MRE11: variants seen among roughly 807,000 people sequenced by gnomAD.
MRE11 encodes MRE11 double strand break repair nuclease.
A neutral mutation model predicts 91.7 loss-of-function variants in MRE11; 62 were observed. That is an observed-to-expected ratio of 0.68 (90% CI 0.55 to 0.84). MRE11 has a LOEUF of 0.84. MRE11 is among the 40% of genes least tolerant of loss of function. The pLI is 0.00. For missense variants in MRE11, 796 were observed against 852.9 expected (o/e 0.93, Z 0.83); for synonymous variants, 273 against 271.4 (o/e 1.01, Z -0.06).
chr11:94,496,008 T>C (rs1488805772), upstream of MRE11, among the ~76,000 whole-genome samples: 4 of 152,204 alleles, frequency 2.6e-5, no homozygotes, highest in Admixed American at 6.5e-5. Context: ...CTAAGAACTA[T>C]AGTTGCCTAT....
intron 3 of MRE11, among the ~76,000 whole-genome samples, chr11:94,488,425 C>T (rs1000442964): frequency 9.2e-5 from 14 of 152,134 alleles, no homozygotes; most frequent in African/African-American, 3.4e-4. Flanking sequence ...AATGGAACTA[C>T]CATTTGACCC....
chr11:94,445,147 G>C (rs375278702), intron 16 of MRE11, among the ~76,000 whole-genome samples: 1 of 152,140 alleles, frequency 6.6e-6, no homozygotes, highest in East Asian at 1.9e-4. Flanking sequence ...GAGACTGACA[G>C]GGCAGTATGG....
chr11:94,509,567 G>A, the MRE11 span, among the ~76,000 whole-genome samples: 4 of 151,644 alleles, frequency 2.6e-5, no homozygotes, highest in South Asian at 2.1e-4. Context: ...CTCAGCCTCC[G>A]GAGTAGCTGG....
chr11:94,499,602 A>G, the MRE11 span: 2 of 152,230 alleles, frequency 1.3e-5, no homozygotes, highest in African/African-American at 2.4e-5. Flanking sequence ...TTCATTTTTT[A>G]CCTGTGTATG....
intron 10 of MRE11, 87 bp from the exon 11 acceptor site, chr11:94,464,326 G>T: frequency 6.5e-7 from 1 of 1,530,712 alleles, no homozygotes; most frequent in Non-Finnish European, 9.0e-7. Flanking sequence ...TATTCACAGT[G>T]TTTATGCTTG....
the MRE11 span, among the ~76,000 whole-genome samples, chr11:94,509,145 T>C: frequency 2.6e-5 from 4 of 152,238 alleles, no homozygotes; most frequent in African/African-American, 9.6e-5. Flanking sequence ...TTAACATCAT[T>C]GTAATATTCA....
At chr11:94,506,117 T>C in the MRE11 span, among the ~76,000 whole-genome samples, 15 of 152,126 alleles carry the variant, frequency 9.9e-5, no homozygotes, top group Non-Finnish European at 1.5e-4. Flanking sequence ...ATGACTGTAA[T>C]TGAAATTTTA....
upstream of MRE11, chr11:94,498,527 T>A: frequency 6.2e-7 from 1 of 1,604,056 alleles, no homozygotes; most frequent in Non-Finnish European, 8.5e-7. Context: ...TTCACCTCAG[T>A]CTTAACAATT....
the MRE11 span, among the ~76,000 whole-genome samples, chr11:94,507,607 C>T: frequency 6.6e-6 from 1 of 152,174 alleles, no homozygotes; most frequent in Non-Finnish European, 1.5e-5. Context: ...GTTCCGATTG[C>T]TCCACACGCC....
rs1043180901 is a variant in MRE11, at chr11:94,418,493, G to A, written c.*1632C>T. ...TCTCACCCAGACCCACCTAACTGAT[G>A]CATGAGAAGAGCCACTAGCTGATGT... On this transcript the variant is annotated 3_prime_UTR_variant, in exon 20 of 20. Transcript: ENST00000323929. 8 of 232,206 alleles carry A rather than the reference G, an allele frequency of 3.4e-5. No homozygotes were observed. The highest frequency in any genetic ancestry group is 1.8e-4 in the African/African-American group (8 of 45,202). 14.4% of individuals were successfully genotyped at this position (232,206 alleles called of 1,614,324 possible).
At chr11:94,439,342 T>C (rs1945712976) in intron 16 of MRE11, among the ~76,000 whole-genome samples, 1 of 152,036 alleles carries the variant, frequency 6.6e-6, no homozygotes, top group Non-Finnish European at 1.5e-5. Context: ...ACTTAAAAAA[T>C]CAGTTCATTT....
intron 19 of MRE11, among the ~76,000 whole-genome samples, chr11:94,424,834 CTG>C (rs1320458215): frequency 6.6e-6 from 1 of 152,008 alleles, no homozygotes; most frequent in Admixed American, 6.6e-5. Flanking sequence ...AAAAAAACCT[CTG>C]AGAAATATGA....
At chr11:94,469,713 T>C (rs1390396388) in intron 9 of MRE11, among the ~76,000 whole-genome samples, 2 of 152,170 alleles carry the variant, frequency 1.3e-5, no homozygotes, top group Non-Finnish European at 2.9e-5. Flanking sequence ...TATAGTATTG[T>C]TGGCTAGATT....
chr11:94,419,301 T>C lies in MRE11; in HGVS notation c.*824A>G. ...TTAAATATATTTCTATACTTTACTG[T>C]AAGGTTCAACTGACCACTCTACCTA... On this transcript the variant is annotated 3_prime_UTR_variant, in exon 20 of 20. Transcript: ENST00000323929. The C allele has an allele frequency of 4.3e-6, 1 of 233,034 alleles. No homozygotes were observed. Among genetic ancestry groups the C allele is most frequent in the South Asian group, 1.8e-4 (1 of 5,530 alleles). The allele number at this position is 233,034 out of a possible 1,614,324, so 14.4% of individuals were successfully genotyped here.
chr11:94,491,394 A>G (rs888452052), intron 2 of MRE11, among the ~76,000 whole-genome samples: 5 of 152,186 alleles, frequency 3.3e-5, no homozygotes, highest in African/African-American at 7.2e-5. Flanking sequence ...AATATGCAAT[A>G]ATTTACATTC....
chr11:94,496,871 G>A (rs779758837), upstream of MRE11: 2 of 1,613,630 alleles, frequency 1.2e-6, no homozygotes, highest in Non-Finnish European at 8.5e-7. Context: ...TGACAAAAAT[G>A]AAGAGTGGTA....
chr11:94,436,273 G>C (rs1452172982), intron 17 of MRE11, among the ~76,000 whole-genome samples: 4 of 152,146 alleles, frequency 2.6e-5, no homozygotes, highest in Admixed American at 1.3e-4. Context: ...ATCAGACCAT[G>C]TGGGAAATAC....
chr11:94,500,385 G>C, the MRE11 span, among the ~76,000 whole-genome samples: 8 of 152,206 alleles, frequency 5.3e-5, no homozygotes, highest in Non-Finnish European at 1.2e-4. Flanking sequence ...CCTGAGGGCA[G>C]AATTTGTATT....
At chr11:94,435,988 C>T (rs61893706) in intron 17 of MRE11, 89 bp from the exon 18 acceptor site, 560 of 1,217,546 alleles carry the variant, frequency 4.6e-4, no homozygotes, top group Non-Finnish European at 6.0e-4. Context: ...ACGATTAAAT[C>T]TTAAGTTATA....
Sources: allele counts gnomAD v4.1 joint callset (sites outside exome capture counted in the v4.1 genomes callset), GRCh38; gene constraint gnomAD v4.1.1; transcripts MANE v1.5; gene names NCBI Gene and HGNC (gene_info 2026-07-23, HGNC 2026-07-21).